The following SYNE1 variants were observed in gnomAD, a reference collection of about 807,000 sequenced individuals.
The protein encoded by SYNE1 is nesprin-1.
Under a neutral mutation model 1,111.0 loss-of-function variants are expected in SYNE1, and 616 were observed. The observed-to-expected ratio is 0.55, with a 90% CI of 0.52 to 0.59. The LOEUF (loss-of-function observed/expected upper bound fraction) is 0.59, where lower values mean the gene tolerates loss of function less well. SYNE1 is among the 20% of genes least tolerant of loss of function. The pLI, the probability that SYNE1 is intolerant of heterozygous loss-of-function variation, is 0.00. For missense variants in SYNE1, 10,006 were observed against 10,417.0 expected, an observed-to-expected ratio of 0.96 and a Z score of 1.72; for synonymous variants, 3,855 against 3,825.8, an observed-to-expected ratio of 1.01 and a Z score of -0.28.
chr6:152,262,272 G>A, intron 100 of SYNE1, 84 bp from the exon 101 acceptor site: 2 of 1,275,076 alleles, frequency 1.6e-6, no homozygotes, highest in Non-Finnish European at 2.3e-6. Flanking sequence ...ACCAGACCTG[G>A]CTTCTCAAAT....
chr6:152,391,664 A>G lies in SYNE1; in HGVS notation c.7713-96T>C, dbSNP rs1036028191. The stretch of plus-strand genomic sequence containing the variant: ...AATGATTGTTGATATTGGAGCAGTA[A>G]CCAGACACAGGCTCATAGCTGACAT... On this transcript the variant is annotated intron_variant, in intron 51 of 145. Coordinates refer to ENST00000367255, the MANE Select transcript of SYNE1 (RefSeq NM_182961.4). The G allele has an allele frequency of 3.1e-5, 43 of 1,396,792 alleles. 1 individual carries two copies. Among genetic ancestry groups the G allele is most frequent in the Middle Eastern group, 5.1e-4 (2 of 3,922 alleles). 86.5% of individuals were successfully genotyped at this position (1,396,792 alleles called of 1,614,324 possible).
At chr6:152,335,088 C>T (rs1185820336) in intron 76 of SYNE1, among the ~76,000 whole-genome samples, 1 of 152,158 alleles carries the variant, frequency 6.6e-6, no homozygotes, top group Non-Finnish European at 1.5e-5. Context: ...AATATGTGGC[C>T]AGAGGATCAT....
chr6:152,606,978 C>CTTTT (rs71017544), intron 3 of SYNE1, among the ~76,000 whole-genome samples: 15 of 62,208 alleles, frequency 2.4e-4, no homozygotes, highest in Admixed American at 4.7e-4. Flanking sequence ...CCTCGGTTCT[C>CTTTT]TTTTTTTTTT....
chr6:152,397,223 C>T (rs1336861782), intron 49 of SYNE1, among the ~76,000 whole-genome samples: 1 of 152,146 alleles, frequency 6.6e-6, no homozygotes. Flanking sequence ...ACGTTCTCAC[C>T]AAGGTCTTGT....
intron 37 of SYNE1, 92 bp from the exon 38 acceptor site, chr6:152,427,908 A>G (rs948703332): frequency 1.9e-5 from 29 of 1,561,502 alleles, no homozygotes; most frequent in Non-Finnish European, 2.1e-5. Context: ...AACACAAACC[A>G]TAGTAAATAC....
At chr6:152,503,941 C>G (rs1000196838) in intron 9 of SYNE1, among the ~76,000 whole-genome samples, 24 of 152,008 alleles carry the variant, frequency 1.6e-4, no homozygotes, top group African/African-American at 5.8e-4. Flanking sequence ...AAAGCTTATA[C>G]ATCCAAGTTG....
At chr6:152,632,223 G>A (rs990554605) in intron 2 of SYNE1, among the ~76,000 whole-genome samples, 5 of 152,004 alleles carry the variant, frequency 3.3e-5, no homozygotes, top group African/African-American at 4.8e-5. Context: ...CTAGGCCCCC[G>A]ATATATATTT....
intron 39 of SYNE1, among the ~76,000 whole-genome samples, chr6:152,420,353 C>T (rs2098237605): frequency 6.6e-6 from 1 of 152,158 alleles, no homozygotes; most frequent in Admixed American, 6.5e-5. Context: ...GGTGCAGTGG[C>T]TCATGCCTGT....
chr6:152,326,717 CAG>C, intron 78 of SYNE1, 84 bp from the exon 79 acceptor site: 1 of 1,350,898 alleles, frequency 7.4e-7, no homozygotes. Flanking sequence ...ATTTGTTTTC[CAG>C]TCCTTAGTCT....
chr6:152,502,888 G>C (rs868234865), intron 9 of SYNE1, 146 bp from the exon 10 acceptor site: 1 of 642,964 alleles, frequency 1.6e-6, no homozygotes, highest in Admixed American at 2.6e-5. Context: ...ACGGGGAGGA[G>C]GGTAAACCAA....
At chr6:152,352,391 T>C (rs761004671) in intron 69 of SYNE1, 38 bp from the exon 70 acceptor site, 5 of 1,564,850 alleles carry the variant, frequency 3.2e-6, no homozygotes, top group Non-Finnish European at 2.6e-6. Context: ...GGTAGTCTTG[T>C]TTCTTTTCTT....
intron 4 of SYNE1, among the ~76,000 whole-genome samples, chr6:152,527,207 G>C (rs2099167680): frequency 6.6e-6 from 1 of 152,090 alleles, no homozygotes; most frequent in Non-Finnish European, 1.5e-5. Flanking sequence ...CCAAATGTTT[G>C]GTTGGAATGT....
At chr6:152,337,161 AT>A in intron 75 of SYNE1, 144 bp from the exon 76 acceptor site, 1 of 775,914 alleles carries the variant, frequency 1.3e-6, no homozygotes. Context: ...AAATACATAA[AT>A]TTAAAAAGTA....
At chr6:152,157,331 C>T (rs1252580888) in intron 131 of SYNE1, among the ~76,000 whole-genome samples, 3 of 152,152 alleles carry the variant, frequency 2.0e-5, no homozygotes, top group African/African-American at 7.2e-5. Flanking sequence ...GGTACAAAAA[C>T]ACAAATATCA....
intron 73 of SYNE1, 21 bp downstream of exon 73, chr6:152,347,038 G>T: frequency 6.2e-7 from 1 of 1,613,616 alleles, no homozygotes; most frequent in South Asian, 1.1e-5. Context: ...TGTCACTGTG[G>T]AATGTTCTGG....
In SYNE1 at chr6:152,139,985, T is replaced by C. The variant is rs1304133473; in HGVS notation, c.25423A>G (p.Ile8475Val). The C allele has an allele frequency of 6.2e-7, 1 of 1,613,954 alleles. No homozygotes were observed. The highest frequency in any genetic ancestry group is 1.3e-5 in the African/African-American group (1 of 74,926). Residue 8475 changes from isoleucine (I) to valine (V), a missense_variant, in exon 140 of 146, where the codon ATC (isoleucine) becomes GTC (valine). By Grantham distance (29) the Ile-to-Val change is conservative. Around this residue, in one of 7 missense-constraint regions of SYNE1, gnomAD observed 761 missense variants for 795.5 expected, o/e 0.96. Transcript: ENST00000367255. ...QLQRLELSTD[I>V]QTIELQIKKL... ...TTGATCTGGAGCTCGATGGTCTGGATGTCAGTGCTGAGTTCCAGACGCTGG... is the reference window on the plus strand; with the variant it reads ...TTGATCTGGAGCTCGATGGTCTGGACGTCAGTGCTGAGTTCCAGACGCTGG...
intron 129 of SYNE1, among the ~76,000 whole-genome samples, chr6:152,179,638 G>T (rs1380204080): frequency 8.7e-6 from 1 of 114,504 alleles, no homozygotes; most frequent in Non-Finnish European, 1.8e-5. Flanking sequence ...TGTAAAGCAG[G>T]CCTTTTTATG....
Position 152,453,733 on chromosome 6 carries a change from G to A in SYNE1, c.2893-13C>T, listed in dbSNP as rs148337270. The A allele has an allele frequency of 7.2e-5, 117 of 1,614,110 alleles. No individual in the cohort carries two copies. The highest frequency in any genetic ancestry group is 9.5e-5 in the Non-Finnish European group (112 of 1,180,006). On this transcript the variant is annotated splice_polypyrimidine_tract_variant and intron_variant, in intron 24 of 145. Transcript: ENST00000367255. ...GACTGAAAAACTCCTGACATGGAAG[G>A]GGAAAGTGGGTAAGAGTGTTGGACA...
rs2099696988 is a variant in SYNE1, at chr6:152,631,016, G to T, written c.-223-2462C>A. On this transcript the variant is annotated intron_variant, in intron 2 of 145. Transcript: ENST00000367255. The stretch of plus-strand genomic sequence containing the variant: ...TCAGAGTGCCAGAGCTCAATGCTGG[G>T]ATTACTAAGGTGGATATGACACAGA... Among the ~76,000 whole-genome samples, 3 of 152,292 alleles carry T rather than the reference G, an allele frequency of 2.0e-5. No individual in the cohort carries two copies. In the South Asian group the frequency reaches 6.2e-4, roughly 32 times the overall value.
Sources: allele counts gnomAD v4.1 joint callset (sites outside exome capture counted in the v4.1 genomes callset), GRCh38; gene constraint gnomAD v4.1.1; regional missense constraint gnomAD v4.1.1; transcripts MANE v1.5; gene names NCBI Gene and HGNC (gene_info 2026-07-23, HGNC 2026-07-21).